Variants in TNFRSF8 observed in about 807,000 individuals in gnomAD.
The protein encoded by TNFRSF8 is tumor necrosis factor receptor superfamily member 8.
Under a neutral mutation model 70.8 loss-of-function variants are expected in TNFRSF8, and 26 were observed. The observed-to-expected ratio is 0.37, with a 90% CI of 0.27 to 0.51. TNFRSF8 has a LOEUF of 0.51. TNFRSF8 is among the 20% of genes least tolerant of loss of function. TNFRSF8 has a pLI of 0.94. For synonymous variants in TNFRSF8, 356 were observed against 339.2 expected (o/e 1.05, Z -0.54); for missense variants, 720 against 807.9 (o/e 0.89, Z 1.32).
chr1:12,123,920 G>A, intron 10 of TNFRSF8, 93 bp downstream of exon 10: 1 of 1,137,538 alleles, frequency 8.8e-7, no homozygotes, highest in South Asian at 1.4e-5. Context: ...CTTCTCCTTT[G>A]TGGGTATGGT....
chr1:12,071,722 C>T (rs975880283), intron 1 of TNFRSF8, among the ~76,000 whole-genome samples: 1 of 152,114 alleles, frequency 6.6e-6, no homozygotes, highest in Non-Finnish European at 1.5e-5. Flanking sequence ...CGCCACCACG[C>T]CCGGCTAATT....
rs1185123515 is a variant in TNFRSF8 at position 12,110,159 on chromosome 1, G to A, written c.631G>A (p.Ala211Thr). The A allele has an allele frequency of 1.2e-6, 2 of 1,611,678 alleles. No homozygotes were observed. Among genetic ancestry groups the A allele is most frequent in the South Asian group, 1.1e-5 (1 of 90,674 alleles). ...GGAAGCTGCTTCTAAACTGACGAGG[G>A]CTCCCGACTCTCCCTCCTCTGTGGG... ...AQEAASKLTR[A>T]PDSPSSVGRP... Residue 211 changes from alanine to threonine, a missense_variant, in exon 6 of 15, where the codon GCT (alanine) becomes ACT (threonine). Coordinates refer to ENST00000263932, the MANE Select transcript of TNFRSF8 (RefSeq NM_001243.5). This position sits in a 1 kb window ranked among gnomAD's most constrained non-coding sequence, Gnocchi z 4.0.
At chr1:12,077,202 G>A (rs376053523) in intron 1 of TNFRSF8, among the ~76,000 whole-genome samples, 6 of 152,156 alleles carry the variant, frequency 3.9e-5, no homozygotes, top group Admixed American at 3.3e-4. Flanking sequence ...GGGATTATAA[G>A]TGCGAGCCAC....
Position 12,114,643 on chromosome 1 carries a change from A to G in TNFRSF8, c.794-934A>G, listed in dbSNP as rs547847778. Among the ~76,000 whole-genome samples, 6 of 151,838 alleles carry G rather than the reference A, an allele frequency of 4.0e-5. 1 individual carries two copies. The East Asian group carries it at 1.2e-3, about 29-fold the overall frequency. On this transcript the variant is annotated intron_variant, in intron 7 of 14. Coordinates refer to ENST00000263932, the MANE Select transcript of TNFRSF8 (RefSeq NM_001243.5). Reference sequence around the variant, plus strand: ...GTACAAATGCATTATTACACTTATTAAAAATAATACCTCTAACATGGTTTT... The same window carrying G: ...GTACAAATGCATTATTACACTTATTGAAAATAATACCTCTAACATGGTTTT...
rs775631985 is a variant in TNFRSF8, at chr1:12,138,597, G to A, written c.1543+161G>A. ...CCCCAATTGAAGTTTCTGTAAGTAGGGACAGCGAGGGTACTTACCTCGTAG... is the reference window on the plus strand; with the variant it reads ...CCCCAATTGAAGTTTCTGTAAGTAGAGACAGCGAGGGTACTTACCTCGTAG... On this transcript the variant is annotated intron_variant, in intron 14 of 14. Coordinates refer to ENST00000263932, the MANE Select transcript of TNFRSF8 (RefSeq NM_001243.5). The surrounding 1 kb of genome is among the most constrained non-coding windows in gnomAD (Gnocchi z 5.7). 1.9e-4 allele frequency among the ~76,000 whole-genome samples: 29 copies of A among 152,156 alleles called. No homozygotes were observed. Among genetic ancestry groups the A allele is most frequent in the Non-Finnish European group, 1.3e-4 (9 of 68,016 alleles).
intron 12 of TNFRSF8, among the ~76,000 whole-genome samples, chr1:12,132,837 CAAAAAAAAAAAA>C (rs55643235): frequency 2.7e-5 from 2 of 74,422 alleles, no homozygotes; most frequent in African/African-American, 5.0e-5. Flanking sequence ...GACTCCATCT[CAAAAAAAAAAAA>C]AAAAAAAAAA....
At chr1:12,126,155 C>G in intron 11 of TNFRSF8, 28 bp from the exon 12 acceptor site, 1 of 1,614,126 alleles carries the variant, frequency 6.2e-7, no homozygotes, top group African/African-American at 1.3e-5. Context: ...GGCCGCCACC[C>G]CCAGCCTTCC....
In TNFRSF8 at chr1:12,141,650, T is replaced by A. The variant is rs1419491945; in HGVS notation, c.1544-637T>A. Among the ~76,000 whole-genome samples, 1 of 152,190 alleles carries A rather than the reference T, an allele frequency of 6.6e-6. No individual in the cohort carries two copies. Among genetic ancestry groups the A allele is most frequent in the Non-Finnish European group, 1.5e-5 (1 of 68,036 alleles). On this transcript the variant is annotated intron_variant, in intron 14 of 14. Coordinates refer to ENST00000263932, the MANE Select transcript of TNFRSF8 (RefSeq NM_001243.5). This position sits in a 1 kb window ranked among gnomAD's most constrained non-coding sequence, Gnocchi z 5.4. ...CTGAGTTTGCCCGGACCGAGGGGAC[T>A]CCCAGGACACGGGACTTGCAGTAGT...
intron 10 of TNFRSF8, among the ~76,000 whole-genome samples, chr1:12,125,101 A>C (rs991076878): frequency 5.3e-5 from 8 of 152,182 alleles, no homozygotes; most frequent in African/African-American, 1.7e-4. Context: ...CTTTAACAAG[A>C]TCTCCAGGGC....
In TNFRSF8 at chr1:12,104,457, C is replaced by T. The variant is rs769981984; in HGVS notation, c.347C>T (p.Thr116Met). The T allele has an allele frequency of 7.4e-6, 12 of 1,614,076 alleles. No individual in the cohort carries two copies. Among genetic ancestry groups the T allele is most frequent in the African/African-American group, 1.3e-5 (1 of 74,912 alleles). Residue 116 changes from threonine (T) to methionine (M), a missense_variant, in exon 4 of 15, where the codon ACG becomes ATG. Physicochemically the swap from Thr to Met is moderately conservative, Grantham distance 81. Coordinates refer to ENST00000263932, the MANE Select transcript of TNFRSF8 (RefSeq NM_001243.5). ...CECRPGMFCS[T>M]SAVNSCARCF... is the part of the protein sequence containing the mutation. ...TGTCGACCCGGCATGTTCTGTTCCACGTCTGCCGTCAACTCCTGTGCCCGC... is the reference window on the plus strand; with the variant it reads ...TGTCGACCCGGCATGTTCTGTTCCATGTCTGCCGTCAACTCCTGTGCCCGC...
At chr1:12,099,096 A>C (rs577638019) in intron 3 of TNFRSF8, among the ~76,000 whole-genome samples, 1 of 152,238 alleles carries the variant, frequency 6.6e-6, no homozygotes, top group East Asian at 1.9e-4. Context: ...TCGTCTTTGC[A>C]ATATTCTCTG....
rs981946835 is a variant in TNFRSF8, at chr1:12,141,698, A to G, written c.1544-589A>G. ...AGTAGAACCAGGAATGTTCCCGGGC[A>G]AGCTGGACAAGTTGGTCACCCCGGG... On this transcript the variant is annotated intron_variant, in intron 14 of 14. Transcript: ENST00000263932. The surrounding 1 kb of genome is among the most constrained non-coding windows in gnomAD (Gnocchi z 5.4). Among the ~76,000 whole-genome samples, 4 of 152,220 alleles carry G rather than the reference A, an allele frequency of 2.6e-5. No individual in the cohort carries two copies. Among genetic ancestry groups the G allele is most frequent in the African/African-American group, 9.6e-5 (4 of 41,464 alleles).
At chr1:12,136,870 C>CTTTTTTTTTTTTTTT (rs201470263) in intron 13 of TNFRSF8, among the ~76,000 whole-genome samples, 2 of 118,694 alleles carry the variant, frequency 1.7e-5, no homozygotes, top group African/African-American at 3.1e-5. Flanking sequence ...ATACTCAGTT[C>CTTTTTTTTTTTTTTT]TTTTTTTTTT....
chr1:12,111,226 G>A (rs1326923528), intron 6 of TNFRSF8, among the ~76,000 whole-genome samples: 1 of 151,998 alleles, frequency 6.6e-6, no homozygotes, highest in Non-Finnish European at 1.5e-5. Flanking sequence ...CTGTCGCCCA[G>A]ACTGGAGTGC....
intron 10 of TNFRSF8, 196 bp from the exon 11 acceptor site, chr1:12,125,755 C>G (rs1265839875): frequency 8.0e-6 from 5 of 627,246 alleles, no homozygotes; most frequent in African/African-American, 1.8e-5. Flanking sequence ...CTTCTCTCAG[C>G]CTTCAATAGT....
intron 10 of TNFRSF8, among the ~76,000 whole-genome samples, chr1:12,124,810 G>A (rs1257389420): frequency 6.8e-6 from 1 of 146,844 alleles, no homozygotes; most frequent in East Asian, 1.9e-4. Context: ...AGCCTGAGCA[G>A]CAGAATGAGA....
chr1:12,070,926 G>T (rs918437610), intron 1 of TNFRSF8, among the ~76,000 whole-genome samples: 2 of 152,122 alleles, frequency 1.3e-5, no homozygotes, highest in Non-Finnish European at 2.9e-5. Context: ...AGAAGTCCTG[G>T]TGCCACCTGG....
At chr1:12,081,848 C>A (rs1401242313) in intron 1 of TNFRSF8, among the ~76,000 whole-genome samples, 1 of 152,220 alleles carries the variant, frequency 6.6e-6, no homozygotes, top group East Asian at 1.9e-4. Flanking sequence ...TTCCCTAAAC[C>A]AAGAAAGCCC....
At chr1:12,131,862 C>T (rs568939814) in intron 12 of TNFRSF8, among the ~76,000 whole-genome samples, 1 of 152,140 alleles carries the variant, frequency 6.6e-6, no homozygotes, top group South Asian at 2.1e-4. Context: ...GGCGCAATCT[C>T]AGCTCACTGC....
Sources: gnomAD v4.1 joint callset for allele counts (sites outside exome capture counted in the v4.1 genomes callset) on GRCh38, gnomAD v4.1.1 for gene constraint, Gnocchi (gnomAD v3.1) non-coding constraint, MANE v1.5 for transcripts, NCBI Gene and HGNC (gene_info 2026-07-23, HGNC 2026-07-21) for gene names.